The following PIK3AP1 variants were observed in gnomAD, a reference collection of about 807,000 sequenced individuals.
The protein encoded by PIK3AP1 is phosphoinositide 3-kinase adapter protein 1.
A neutral mutation model predicts 88.1 loss-of-function variants in PIK3AP1; 21 were observed. The observed-to-expected ratio is 0.24, with a 90% CI of 0.17 to 0.34. PIK3AP1 has a LOEUF of 0.34. Among genes scored for constraint, PIK3AP1 ranks in the 10% least tolerant of loss-of-function variants. The probability of loss-of-function intolerance (pLI) is 1.00; values close to 1 mark genes in which losing one functional copy is unlikely to be tolerated. For synonymous variants in PIK3AP1, 398 were observed against 400.0 expected, an observed-to-expected ratio of 1.00 and a Z score of 0.06; for missense variants, 828 against 1,035.7, an observed-to-expected ratio of 0.80 and a Z score of 2.75.
At chr10:96,692,084 AT>A (rs1161574344) in intron 2 of PIK3AP1, among the ~76,000 whole-genome samples, 1 of 152,264 alleles carries the variant, frequency 6.6e-6, no homozygotes, top group Non-Finnish European at 1.5e-5. Flanking sequence ...GGAAAACTGT[AT>A]CACAAGTAAA....
At chr10:96,613,710 G>A (rs1849165214) in intron 13 of PIK3AP1, among the ~76,000 whole-genome samples, 1 of 152,078 alleles carries the variant, frequency 6.6e-6, no homozygotes, top group Non-Finnish European at 1.5e-5. Context: ...AACAGCCTTG[G>A]GTGAACCTTG....
At chr10:96,598,890 AT>A in intron 16 of PIK3AP1, among the ~76,000 whole-genome samples, 1 of 152,374 alleles carries the variant, frequency 6.6e-6, no homozygotes, top group South Asian at 2.1e-4. Flanking sequence ...GTGGCAGATC[AT>A]CGGTGAATAC....
chr10:96,642,146 C>T lies in PIK3AP1; in HGVS notation c.1375+3327G>A, dbSNP rs190026810. 1.7e-3 allele frequency among the ~76,000 whole-genome samples: 262 copies of T among 152,072 alleles called. 1 individual carries two copies. Among genetic ancestry groups the T allele is most frequent in the Non-Finnish European group, 2.8e-3 (193 of 68,002 alleles). On this transcript the variant is annotated intron_variant, in intron 8 of 16. Transcript: ENST00000339364. ...AACTGGGGAAATGAAAAATGTGGGC[C>T]GGGCATGGTGCCTCACGCCTGTAAT... is the stretch of plus-strand genomic sequence containing the variant.
At chr10:96,598,673 T>C (rs1589476189) in intron 16 of PIK3AP1, among the ~76,000 whole-genome samples, 2 of 152,218 alleles carry the variant, frequency 1.3e-5, no homozygotes, top group Middle Eastern at 3.4e-3. Context: ...ATAATAGAAG[T>C]GCTTGGGAAA....
At chr10:96,693,490 C>T (rs188043903) in intron 2 of PIK3AP1, among the ~76,000 whole-genome samples, 9 of 97,980 alleles carry the variant, frequency 9.2e-5, no homozygotes, top group African/African-American at 3.8e-4. Flanking sequence ...GTGTACTCCT[C>T]GTTCAGCCTG....
chr10:96,700,818 G>A (rs908069789), intron 2 of PIK3AP1: 21 of 985,444 alleles, frequency 2.1e-5, no homozygotes, highest in African/African-American at 1.0e-4. Context: ...GCGAGGCCAC[G>A]ACACCGAGCA....
At chr10:96,700,486 A>G (rs1844282931) in intron 2 of PIK3AP1, among the ~76,000 whole-genome samples, 7 of 152,218 alleles carry the variant, frequency 4.6e-5, no homozygotes, top group Admixed American at 4.6e-4. Flanking sequence ...ACTCTTGGAC[A>G]GGCTGTAGCT....
intron 2 of PIK3AP1, among the ~76,000 whole-genome samples, chr10:96,701,223 C>T (rs1844293919): frequency 6.6e-6 from 1 of 152,170 alleles, no homozygotes; most frequent in African/African-American, 2.4e-5. Context: ...TGGCCTGGAG[C>T]ACTCAGGGAA....
rs115778856 is a variant in PIK3AP1, at chr10:96,654,514, G to A, written c.568-1672C>T. On this transcript the variant is annotated intron_variant, in intron 3 of 16. Coordinates refer to ENST00000339364, the MANE Select transcript of PIK3AP1 (RefSeq NM_152309.3). ...TGCACACACATGTGCTGTGGTGGTC[G>A]TCCCTCCTGCTGCAGGCCCAGCCTT... Among the ~76,000 whole-genome samples the A allele has an allele frequency of 5.5e-3, 833 of 152,246 alleles. 7 individuals are homozygous for A. Among genetic ancestry groups the A allele is most frequent in the African/African-American group, 0.018 (761 of 41,532 alleles).
At chr10:96,692,048 T>A (rs1008828081) in intron 2 of PIK3AP1, among the ~76,000 whole-genome samples, 13 of 152,326 alleles carry the variant, frequency 8.5e-5, no homozygotes, top group Admixed American at 7.8e-4. Flanking sequence ...AAAGAGAAAT[T>A]TTTTGAAGTT....
At chr10:96,659,050 A>G (rs550883962) in intron 2 of PIK3AP1, among the ~76,000 whole-genome samples, 35 of 152,260 alleles carry the variant, frequency 2.3e-4, no homozygotes, top group Non-Finnish European at 4.9e-4. Context: ...GGACAGAGCT[A>G]TACATGCCAC....
Position 96,720,273 on chromosome 10 carries a change from C to T in PIK3AP1, c.13+109G>A. The T allele has an allele frequency of 9.2e-7, 1 of 1,084,222 alleles. No individual in the cohort carries two copies. The highest frequency in any genetic ancestry group is 1.2e-6 in the Non-Finnish European group (1 of 847,484). 67.2% of individuals were successfully genotyped at this position (1,084,222 alleles called of 1,614,324 possible). ...GAAAAGAGCAGAAAGAGGGCAAGAT[C>T]CCCGCACAGAGGACGCAAACAGAAG... On this transcript the variant is annotated intron_variant, in intron 1 of 16. Coordinates refer to ENST00000339364, the MANE Select transcript of PIK3AP1 (RefSeq NM_152309.3). This position sits in a 1 kb window ranked among gnomAD's most constrained non-coding sequence, Gnocchi z 4.6.
intron 8 of PIK3AP1, among the ~76,000 whole-genome samples, chr10:96,637,581 C>T (rs1385059209): frequency 6.6e-6 from 1 of 152,048 alleles, no homozygotes; most frequent in Non-Finnish European, 1.5e-5. Context: ...AACTACTATA[C>T]TCAAGCGATC....
intron 8 of PIK3AP1, among the ~76,000 whole-genome samples, chr10:96,638,214 G>A (rs1227625270): frequency 6.6e-6 from 1 of 152,120 alleles, no homozygotes; most frequent in Non-Finnish European, 1.5e-5. Context: ...TATCGTGAGA[G>A]TGGGTTTGTT....
intron 11 of PIK3AP1, chr10:96,621,250 A>G: frequency 6.5e-6 from 1 of 154,980 alleles, no homozygotes; most frequent in Non-Finnish European, 1.4e-5. Context: ...GGTCCAATGG[A>G]GAGCTTGGCT....
At chr10:96,668,268 T>C (rs1843793150) in intron 2 of PIK3AP1, among the ~76,000 whole-genome samples, 1 of 152,220 alleles carries the variant, frequency 6.6e-6, no homozygotes, top group Non-Finnish European at 1.5e-5. Context: ...TTAAAATGCA[T>C]GAATTGTATG....
intron 8 of PIK3AP1, among the ~76,000 whole-genome samples, chr10:96,636,937 A>T (rs964136222): frequency 6.6e-6 from 1 of 152,226 alleles, no homozygotes; most frequent in African/African-American, 2.4e-5. Flanking sequence ...TCCTCCTGGG[A>T]CACAGACCAC....
chr10:96,717,940 C>T (rs917397241), intron 1 of PIK3AP1, among the ~76,000 whole-genome samples: 4 of 152,144 alleles, frequency 2.6e-5, no homozygotes, highest in Admixed American at 6.5e-5. Context: ...ACTAATGCTT[C>T]CCCTTCAGTG....
intron 2 of PIK3AP1, among the ~76,000 whole-genome samples, chr10:96,677,578 TACACACAC>T (rs35018772): frequency 0.031 from 3,794 of 121,178 alleles, 176 homozygotes; most frequent in African/African-American, 0.1. Flanking sequence ...ACTAAGCACA[TACACACAC>T]ACACACACAC....
Sources: gnomAD v4.1 joint callset for allele counts (sites outside exome capture counted in the v4.1 genomes callset) on GRCh38, gnomAD v4.1.1 for gene constraint, Gnocchi (gnomAD v3.1) non-coding constraint, MANE v1.5 for transcripts, NCBI Gene and HGNC (gene_info 2026-07-23, HGNC 2026-07-21) for gene names.